BIRC6: variants seen among roughly 807,000 people sequenced by gnomAD.
BIRC6 encodes dual E2 ubiquitin-conjugating enzyme/E3 ubiquitin-protein ligase BIRC6.
A neutral mutation model predicts 503.3 loss-of-function variants in BIRC6; 98 were observed. The observed-to-expected ratio is 0.19, with a 90% CI of 0.17 to 0.23. The LOEUF is 0.23. Among genes scored for constraint, BIRC6 ranks in the 10% least tolerant of loss-of-function variants. The probability of loss-of-function intolerance (pLI) is 1.00; values close to 1 mark genes in which losing one functional copy is unlikely to be tolerated. For missense variants in BIRC6, 5,360 were observed against 5,806.0 expected, an observed-to-expected ratio of 0.92 and a Z score of 2.50; for synonymous variants, 2,240 against 2,078.7, an observed-to-expected ratio of 1.08 and a Z score of -2.11.
intron 73 of BIRC6, among the ~76,000 whole-genome samples, chr2:32,611,998 C>T (rs2062909624): frequency 6.6e-6 from 1 of 152,162 alleles, no homozygotes; most frequent in Non-Finnish European, 1.5e-5. Flanking sequence ...ACCTCAGCTT[C>T]CCATGTAGCT....
intron 65 of BIRC6, among the ~76,000 whole-genome samples, chr2:32,572,110 C>T (rs78207908): frequency 0.035 from 5,317 of 152,182 alleles, 140 homozygotes; most frequent in African/African-American, 0.074. Context: ...TTTCGATTTT[C>T]AAAAATTTTG....
Position 32,531,432 on chromosome 2 carries a change from G to C in BIRC6, c.12172G>C (p.Asp4058His). ...TGATGAATGCATGGATGGGATACTG[G>C]ATGAATCTTTGCTTGAAACCTGTCC... is the stretch of plus-strand genomic sequence containing the variant. Reference protein sequence around the residue: ...PGDECMDGILDESLLETCPIQ... With the variant: ...PGDECMDGILHESLLETCPIQ... The change falls in exon 61 of 74, where the codon GAT becomes CAT. Residue 4058 changes from aspartate (D) to histidine (H), a missense_variant. Coordinates refer to ENST00000421745, the MANE Select transcript of BIRC6 (RefSeq NM_016252.4). 1 of 1,613,876 alleles carries C rather than the reference G, an allele frequency of 6.2e-7. No homozygotes were observed. Among genetic ancestry groups the C allele is most frequent in the Non-Finnish European group, 8.5e-7 (1 of 1,179,826 alleles).
At chr2:32,432,149 C>T (rs114843311) in intron 12 of BIRC6, among the ~76,000 whole-genome samples, 5,063 of 152,178 alleles carry the variant, frequency 0.033, 186 homozygotes, top group African/African-American at 0.094. Context: ...GGCATGGTCG[C>T]TCAAACCTGT....
chr2:32,589,856 G>T (rs1309790615), intron 66 of BIRC6, among the ~76,000 whole-genome samples: 2 of 152,136 alleles, frequency 1.3e-5, no homozygotes, highest in Non-Finnish European at 1.5e-5. Context: ...TTTGTGTCTA[G>T]TATAGAAATC....
intron 22 of BIRC6, chr2:32,449,327 C>T (rs1383793287): frequency 1.3e-5 from 2 of 156,964 alleles, no homozygotes; most frequent in African/African-American, 4.8e-5. Context: ...TATATACTTA[C>T]TGTAATAAGG....
chr2:32,525,087 C>T (rs945663926), intron 58 of BIRC6, 68 bp downstream of exon 58: 22 of 1,321,518 alleles, frequency 1.7e-5, no homozygotes, highest in Non-Finnish European at 2.0e-5. Flanking sequence ...ATTTTAGTTA[C>T]AGGAAATTTA....
intron 65 of BIRC6, among the ~76,000 whole-genome samples, chr2:32,573,431 G>A (rs193012372): frequency 6.6e-6 from 1 of 152,146 alleles, no homozygotes; most frequent in Non-Finnish European, 1.5e-5. Flanking sequence ...CCTGACCCCC[G>A]GTGATCCATC....
Position 32,357,421 on chromosome 2 carries a change from G to C in BIRC6, c.260G>C (p.Ser87Thr), listed in dbSNP as rs1167219750. ...CTCAACGCCATCCTGGCCGTCACTA[G>C]CCGCGGGACCATCAAAGTCATCGAC... ...PALNAILAVTSRGTIKVIDGT... is the reference protein window; with the variant it reads ...PALNAILAVTTRGTIKVIDGT... Residue 87 changes from serine (S) to threonine (T), a missense_variant, in exon 1 of 74, where the codon AGC becomes ACC. Transcript: ENST00000421745. The surrounding 1 kb of genome is among the most constrained non-coding windows in gnomAD (Gnocchi z 4.9). 1 of 1,549,620 alleles carries C rather than the reference G, an allele frequency of 6.5e-7. No individual in the cohort carries two copies. The highest frequency in any genetic ancestry group is 8.7e-7 in the Non-Finnish European group (1 of 1,146,764).
At chr2:32,388,263 C>T (rs946548917) in intron 3 of BIRC6, among the ~76,000 whole-genome samples, 3 of 151,876 alleles carry the variant, frequency 2.0e-5, no homozygotes, top group Non-Finnish European at 2.9e-5. Flanking sequence ...TGCCTGTAAT[C>T]CCAGCTACTC....
At chr2:32,394,000 C>T (rs184586913) in intron 5 of BIRC6, among the ~76,000 whole-genome samples, 4 of 149,584 alleles carry the variant, frequency 2.7e-5, no homozygotes, top group Admixed American at 2.7e-4. Context: ...GTCAGATTTC[C>T]TGTTACAGAT....
intron 65 of BIRC6, among the ~76,000 whole-genome samples, chr2:32,551,483 A>G (rs1408639833): frequency 6.6e-6 from 1 of 152,122 alleles, no homozygotes; most frequent in Non-Finnish European, 1.5e-5. Context: ...GGGTTTCACC[A>G]TGTTAGCCAG....
At chr2:32,484,014 T>A (rs1328409138) in intron 39 of BIRC6, among the ~76,000 whole-genome samples, 1 of 151,854 alleles carries the variant, frequency 6.6e-6, no homozygotes, top group South Asian at 2.1e-4. Context: ...CAGGCTGGAG[T>A]GTAGTGGCAT....
At chr2:32,382,720 A>T (rs1390513281) in intron 3 of BIRC6, among the ~76,000 whole-genome samples, 5 of 152,174 alleles carry the variant, frequency 3.3e-5, no homozygotes, top group African/African-American at 1.2e-4. Context: ...TATGCTTTTT[A>T]AAAAATTTAT....
intron 73 of BIRC6, among the ~76,000 whole-genome samples, chr2:32,615,106 A>G (rs2063148783): frequency 6.6e-6 from 1 of 152,152 alleles, no homozygotes; most frequent in Non-Finnish European, 1.5e-5. Context: ...GAGGTGCCAC[A>G]CTTTACAACA....
rs545414644 is a variant in BIRC6 at position 32,456,383 on chromosome 2, G to A, written c.4753+2441G>A. ...ATTGCTGTTTAGGATTCTTTTGTCC[G>A]AATGCAACAAAATTTATGTATCCAC... On this transcript the variant is annotated intron_variant, in intron 23 of 73. Coordinates refer to ENST00000421745, the MANE Select transcript of BIRC6 (RefSeq NM_016252.4). Among the ~76,000 whole-genome samples, 22 of 152,226 alleles carry A rather than the reference G, an allele frequency of 1.4e-4. 1 individual carries two copies. The South Asian group carries it at 3.5e-3, about 24-fold the overall frequency.
chr2:32,475,635 A>G (rs74495607), intron 33 of BIRC6, among the ~76,000 whole-genome samples: 1,987 of 152,334 alleles, frequency 0.013, 18 homozygotes, highest in Admixed American at 0.019. Context: ...GTCAATGTCA[A>G]TACCTTGTGA....
At chr2:32,525,727 A>G in intron 59 of BIRC6, 99 bp downstream of exon 59, 1 of 1,202,006 alleles carries the variant, frequency 8.3e-7, no homozygotes, top group Non-Finnish European at 1.2e-6. Context: ...ATCAGGTGCC[A>G]TTGATGAGAT....
chr2:32,543,781 G>A (rs1270129453), intron 62 of BIRC6, among the ~76,000 whole-genome samples: 1 of 152,138 alleles, frequency 6.6e-6, no homozygotes, highest in Admixed American at 6.5e-5. Flanking sequence ...GGGCATCACT[G>A]GGGGGATGTA....
chr2:32,470,408 A>G, intron 31 of BIRC6, 107 bp downstream of exon 31: 1 of 1,134,774 alleles, frequency 8.8e-7, no homozygotes, highest in Non-Finnish European at 1.2e-6. Context: ...CAGCACATTT[A>G]ATATTTTTAT....
Sources: allele counts gnomAD v4.1 joint callset (sites outside exome capture counted in the v4.1 genomes callset), GRCh38; gene constraint gnomAD v4.1.1; non-coding constraint Gnocchi (gnomAD v3.1); transcripts MANE v1.5; gene names NCBI Gene and HGNC (gene_info 2026-07-23, HGNC 2026-07-21).